Variants in PRDM6 observed in about 807,000 individuals in gnomAD.
PRDM6 encodes the protein PR/SET domain 6, also known as putative histone-lysine N-methyltransferase PRDM6.
PRDM6 carries 25 observed loss-of-function variants against 60.8 expected under a neutral mutation model. That is an observed-to-expected ratio of 0.41 (90% CI 0.30 to 0.57). The LOEUF is 0.57. Among genes scored for constraint, PRDM6 ranks in the 20% least tolerant of loss-of-function variants. The pLI is 0.27. For synonymous variants in PRDM6, 407 were observed against 357.4 expected (o/e 1.14, Z -1.57); for missense variants, 839 against 821.3 (o/e 1.02, Z -0.26).
intron 3 of PRDM6, among the ~76,000 whole-genome samples, chr5:123,111,712 A>AC (rs151031477): frequency 0.46 from 68,844 of 150,846 alleles, 16,031 homozygotes; most frequent in South Asian, 0.55. Flanking sequence ...CAAAACAAAA[A>AC]AAAAACAAAA....
chr5:123,101,496 A>G (rs1764102043), intron 3 of PRDM6, among the ~76,000 whole-genome samples: 2 of 152,248 alleles, frequency 1.3e-5, no homozygotes, highest in Admixed American at 1.3e-4. Flanking sequence ...AAACACTTTT[A>G]GGTACTTCTC....
intron 3 of PRDM6, among the ~76,000 whole-genome samples, chr5:123,146,062 A>G (rs1765231787): frequency 6.6e-6 from 1 of 151,902 alleles, no homozygotes; most frequent in South Asian, 2.1e-4. Flanking sequence ...TTCCCTTTAC[A>G]AACATTTCCC....
chr5:123,151,154 A>T (rs1765360570), intron 3 of PRDM6, among the ~76,000 whole-genome samples: 1 of 152,124 alleles, frequency 6.6e-6, no homozygotes, highest in Non-Finnish European at 1.5e-5. Flanking sequence ...CTGCTTGGCG[A>T]AAACTGGAGG....
chr5:123,139,442 A>G (rs2126859116), intron 3 of PRDM6, among the ~76,000 whole-genome samples: 1 of 152,294 alleles, frequency 6.6e-6, no homozygotes, highest in African/African-American at 2.4e-5. Context: ...GGAAACATTC[A>G]GAAGAGATGC....
In PRDM6 at chr5:123,140,237, C is replaced by G. The variant is rs142551941; in HGVS notation, c.901-15647C>G. 9.1e-3 allele frequency among the ~76,000 whole-genome samples: 1,353 copies of G among 148,436 alleles called. 6 individuals are homozygous for G. Among genetic ancestry groups the G allele is most frequent in the Non-Finnish European group, 0.015 (1,017 of 67,224 alleles). On this transcript the variant is annotated intron_variant, in intron 3 of 7. Transcript: ENST00000407847. ...ATCAGCTTTCCTGTATTTTCTTTCA[C>G]AAAACATTTGGTCCCAATTGTAGTT...
At chr5:123,186,791 T>G (rs1444003705) in intron 7 of PRDM6, among the ~76,000 whole-genome samples, 1 of 152,178 alleles carries the variant, frequency 6.6e-6, no homozygotes, top group Non-Finnish European at 1.5e-5. Flanking sequence ...CTCCTAAAAA[T>G]CTCTTTTTGT....
chr5:123,148,110 C>T (rs1398901182), intron 3 of PRDM6, among the ~76,000 whole-genome samples: 1 of 152,222 alleles, frequency 6.6e-6, no homozygotes, highest in Non-Finnish European at 1.5e-5. Flanking sequence ...CACTTTTCAA[C>T]TGTTTTTCTG....
chr5:123,120,225 T>C (rs1764550771), intron 3 of PRDM6, among the ~76,000 whole-genome samples: 2 of 152,262 alleles, frequency 1.3e-5, no homozygotes, highest in African/African-American at 2.4e-5. Flanking sequence ...GAGGAACAAA[T>C]GTGCATAATT....
chr5:123,190,121 A>G lies in PRDM6; in HGVS notation c.*2920A>G, dbSNP rs1766378288. On this transcript the variant is annotated 3_prime_UTR_variant, in exon 8 of 8. Coordinates refer to ENST00000407847, the MANE Select transcript of PRDM6 (RefSeq NM_001136239.4). Reference sequence around the variant, plus strand: ...TTTAAGATAAGAAAGGTAGTCTGTCAGAGCTGAATCAGGGTTTGGCTCTTG... The same window carrying G: ...TTTAAGATAAGAAAGGTAGTCTGTCGGAGCTGAATCAGGGTTTGGCTCTTG... 1 of 152,234 alleles carries G rather than the reference A, an allele frequency of 6.6e-6. No homozygotes were observed. Among genetic ancestry groups the G allele is most frequent in the African/African-American group, 2.4e-5 (1 of 41,462 alleles). 9.4% of individuals were successfully genotyped at this position (152,234 alleles called of 1,614,324 possible).
Position 123,090,378 on chromosome 5 carries a change from C to T in PRDM6, c.364C>T (p.Leu122=), listed in dbSNP as rs1014583565. ...PVSQLPVFAP[L]AAAAVAAEPL... ...GTCGCAGCTGCCGGTGTTCGCGCCT[C>T]TAGCCGCCGCTGCCGTCGCCGCCGA... Residue 122 remains leucine (L), a synonymous_variant, in exon 2 of 8, where the codon CTA becomes TTA. Coordinates refer to ENST00000407847, the MANE Select transcript of PRDM6 (RefSeq NM_001136239.4). The T allele has an allele frequency of 3.6e-5, 53 of 1,467,184 alleles. No homozygotes were observed. Among genetic ancestry groups the T allele is most frequent in the Non-Finnish European group, 4.6e-5 (51 of 1,115,276 alleles). The allele number at this position is 1,467,184 out of a possible 1,614,324, so 90.9% of individuals were successfully genotyped here. A position where few individuals can be genotyped will look rare whatever the true frequency, so the allele number is the denominator to read the frequency against.
chr5:123,089,284 G>C lies in PRDM6; in HGVS notation c.-251G>C, dbSNP rs1050392535. 1 of 153,008 alleles carries C rather than the reference G, an allele frequency of 6.5e-6. No homozygotes were observed. The highest frequency in any genetic ancestry group is 1.5e-5 in the Non-Finnish European group (1 of 68,334). 9.5% of individuals were successfully genotyped at this position (153,008 alleles called of 1,614,324 possible). ...GGAGCCAGGACGCGGCAGCGGCCAAGCGCAGCAGCCCACGGCGGTTGAGTC... is the reference window on the plus strand; with the variant it reads ...GGAGCCAGGACGCGGCAGCGGCCAACCGCAGCAGCCCACGGCGGTTGAGTC... On this transcript the variant is annotated 5_prime_UTR_variant, in exon 1 of 8. Coordinates refer to ENST00000407847, the MANE Select transcript of PRDM6 (RefSeq NM_001136239.4).
At chr5:123,125,137 C>G (rs1282005510) in intron 3 of PRDM6, among the ~76,000 whole-genome samples, 1 of 40,140 alleles carries the variant, frequency 2.5e-5, no homozygotes, top group African/African-American at 7.7e-5. Flanking sequence ...TGTATAATTA[C>G]ATACCGCACC....
At chr5:123,175,273 T>A (rs1225059503) in intron 6 of PRDM6, among the ~76,000 whole-genome samples, 1 of 152,178 alleles carries the variant, frequency 6.6e-6, no homozygotes, top group Non-Finnish European at 1.5e-5. Context: ...TTCTCCTTTT[T>A]GACTGTTTGT....
chr5:123,135,101 T>G (rs1764926055), intron 3 of PRDM6, among the ~76,000 whole-genome samples: 1 of 152,158 alleles, frequency 6.6e-6, no homozygotes, highest in South Asian at 2.1e-4. Flanking sequence ...AGGTTCATGA[T>G]CACCTCAGAA....
At chr5:123,159,239 A>T (rs530853597) in intron 4 of PRDM6, among the ~76,000 whole-genome samples, 1 of 152,324 alleles carries the variant, frequency 6.6e-6, no homozygotes, top group East Asian at 1.9e-4. Context: ...TTTTAAAATT[A>T]ATTCTTCCTT....
chr5:123,094,385 G>A (rs1763911652), intron 2 of PRDM6, among the ~76,000 whole-genome samples: 1 of 151,812 alleles, frequency 6.6e-6, no homozygotes, highest in African/African-American at 2.4e-5. Flanking sequence ...TTGCAGACCT[G>A]GTCCGGGTGG....
chr5:123,171,439 A>G (rs1456036268), intron 6 of PRDM6, among the ~76,000 whole-genome samples: 3 of 152,208 alleles, frequency 2.0e-5, no homozygotes, highest in Non-Finnish European at 4.4e-5. Context: ...TCTTCCAAAG[A>G]TAATATAGCT....
At chr5:123,127,625 G>T (rs1360900272) in intron 3 of PRDM6, among the ~76,000 whole-genome samples, 1 of 152,098 alleles carries the variant, frequency 6.6e-6, no homozygotes, top group Non-Finnish European at 1.5e-5. Flanking sequence ...TAAAGCAAAG[G>T]CTTTTGATCC....
At chr5:123,111,987 G>C (rs923323458) in intron 3 of PRDM6, among the ~76,000 whole-genome samples, 1 of 152,148 alleles carries the variant, frequency 6.6e-6, no homozygotes, top group Non-Finnish European at 1.5e-5. Flanking sequence ...ATAGATGATA[G>C]ATGTACATAT....
Sources: gnomAD v4.1 joint callset for allele counts (sites outside exome capture counted in the v4.1 genomes callset) on GRCh38, gnomAD v4.1.1 for gene constraint, MANE v1.5 for transcripts, NCBI Gene and HGNC (gene_info 2026-07-23, HGNC 2026-07-21) for gene names.